Variants in OSBP observed in about 807,000 individuals in gnomAD.
The protein encoded by OSBP is oxysterol binding protein.
OSBP carries 32 observed loss-of-function variants against 96.6 expected under a neutral mutation model. That is an observed-to-expected ratio of 0.33 (90% CI 0.25 to 0.45). The LOEUF (loss-of-function observed/expected upper bound fraction) is 0.45. Among genes scored for constraint, OSBP ranks in the 20% least tolerant of loss-of-function variants. The probability of loss-of-function intolerance (pLI) is 1.00; values close to 1 mark genes in which losing one functional copy is unlikely to be tolerated. For synonymous variants in OSBP, 369 were observed against 389.6 expected (o/e 0.95, Z 0.62); for missense variants, 653 against 1,029.7 (o/e 0.63, Z 5.01).
intron 10 of OSBP, among the ~76,000 whole-genome samples, chr11:59,580,902 C>T (rs1860412894): frequency 6.6e-6 from 1 of 152,218 alleles, no homozygotes; most frequent in Non-Finnish European, 1.5e-5. Context: ...TGAGGCCTTT[C>T]CTGACTGCTC....
At chr11:59,583,291 G>A (rs1037293501) in intron 9 of OSBP, among the ~76,000 whole-genome samples, 4 of 152,234 alleles carry the variant, frequency 2.6e-5, no homozygotes, top group East Asian at 1.9e-4. Context: ...CAGCCTGGAC[G>A]ACAGAGCAAG....
intron 7 of OSBP, among the ~76,000 whole-genome samples, chr11:59,600,129 T>C (rs1303443203): frequency 6.6e-6 from 1 of 152,184 alleles, no homozygotes; most frequent in Non-Finnish European, 1.5e-5. Context: ...GTACTTTCCA[T>C]AATACTATCA....
rs1025080222 is a variant in OSBP, at chr11:59,579,782, C to T, written c.1878+392G>A. ...TTGCCCAGGCTGGGGTGCAATGGTG[C>T]GAGACTCACTGCAGCCTCTGCCTCC... On this transcript the variant is annotated intron_variant, in intron 11 of 13. Transcript: ENST00000263847. Among the ~76,000 whole-genome samples, 9 of 151,650 alleles carry T rather than the reference C, an allele frequency of 5.9e-5. No homozygotes were observed. In the East Asian group the frequency reaches 1.4e-3, roughly 23 times the overall value.
intron 2 of OSBP, among the ~76,000 whole-genome samples, chr11:59,610,071 G>A (rs1024465219): frequency 5.9e-5 from 9 of 152,058 alleles, no homozygotes; most frequent in Non-Finnish European, 7.4e-5. Context: ...TTGTTTTGGC[G>A]GCTGTTTGGT....
chr11:59,603,332 CCT>C, intron 3 of OSBP, among the ~76,000 whole-genome samples: 1 of 152,166 alleles, frequency 6.6e-6, no homozygotes, highest in South Asian at 2.1e-4. Flanking sequence ...AAATCTATTC[CCT>C]GTTACAGAGA....
intron 10 of OSBP, among the ~76,000 whole-genome samples, chr11:59,580,653 C>T (rs1050540988): frequency 6.6e-6 from 1 of 152,078 alleles, no homozygotes; most frequent in African/African-American, 2.4e-5. Flanking sequence ...CCTTTCTATA[C>T]TTGATTCATT....
chr11:59,583,634 GTTTTTTTTT>G (rs764596509), intron 9 of OSBP, among the ~76,000 whole-genome samples: 1 of 64,318 alleles, frequency 1.6e-5, no homozygotes, highest in African/African-American at 6.5e-5. Flanking sequence ...CTAAATCTCT[GTTTTTTTTT>G]TTTTTTTTTT....
chr11:59,593,497 C>G, intron 9 of OSBP, 107 bp downstream of exon 9: 1 of 1,277,498 alleles, frequency 7.8e-7, no homozygotes, highest in South Asian at 1.3e-5. Context: ...GGTCAGTGCT[C>G]GAATCAGACC....
chr11:59,605,529 C>G (rs570401236), intron 3 of OSBP, among the ~76,000 whole-genome samples: 1 of 152,000 alleles, frequency 6.6e-6, no homozygotes, highest in Non-Finnish European at 1.5e-5. Flanking sequence ...TCTCATGCCT[C>G]AGTCACCATG....
intron 7 of OSBP, among the ~76,000 whole-genome samples, chr11:59,597,287 C>T (rs12276416): frequency 0.016 from 2,379 of 152,100 alleles, 61 homozygotes; most frequent in African/African-American, 0.055. Context: ...TCAAGTGATC[C>T]GCCTGCCTCA....
intron 9 of OSBP, 36 bp downstream of exon 9, chr11:59,593,568 C>T (rs747929324): frequency 2.5e-6 from 4 of 1,612,058 alleles, no homozygotes; most frequent in African/African-American, 2.7e-5. Context: ...CCTTTCATTC[C>T]AGGAGCATTA....
intron 9 of OSBP, among the ~76,000 whole-genome samples, chr11:59,591,813 G>A (rs1307835463): frequency 6.6e-6 from 1 of 151,916 alleles, no homozygotes; most frequent in Non-Finnish European, 1.5e-5. Flanking sequence ...TAGAGACGGG[G>A]TTTCACCATG....
In OSBP at chr11:59,574,590, A is replaced by T. The variant is rs1045427933; in HGVS notation, c.*1987T>A. ...AGAAATGTAGTGCAGATGGTGAAGGAAGAGAAGGGGATAAAGCAGAGAAGT... is the reference window on the plus strand; with the variant it reads ...AGAAATGTAGTGCAGATGGTGAAGGTAGAGAAGGGGATAAAGCAGAGAAGT... On this transcript the variant is annotated 3_prime_UTR_variant, in exon 14 of 14. Transcript: ENST00000263847. 3 of 152,606 alleles carry T rather than the reference A, an allele frequency of 2.0e-5. No homozygotes were observed. Among genetic ancestry groups the T allele is most frequent in the Non-Finnish European group, 4.4e-5 (3 of 68,022 alleles). The allele number at this position is 152,606 out of a possible 1,614,324, so 9.5% of individuals were successfully genotyped here.
intron 9 of OSBP, among the ~76,000 whole-genome samples, chr11:59,585,579 T>C (rs1860490035): frequency 4.7e-5 from 7 of 149,788 alleles, no homozygotes; most frequent in African/African-American, 1.5e-4. Context: ...AGCCGCCCCG[T>C]CCGGGAGGTG....
At chr11:59,615,255 C>T (rs1323727506) in intron 1 of OSBP, 48 bp downstream of exon 1, 2 of 1,480,128 alleles carry the variant, frequency 1.4e-6, no homozygotes, top group East Asian at 4.9e-5. Flanking sequence ...GGACTGTTGG[C>T]AGATATGGGG....
rs143043296 is a variant in OSBP at position 59,598,715 on chromosome 11, G to A, written c.1311+1781C>T. On this transcript the variant is annotated intron_variant, in intron 7 of 13. Coordinates refer to ENST00000263847, the MANE Select transcript of OSBP (RefSeq NM_002556.3). ...AGCAATTCTCCTGCATCACCCTCCC[G>A]AGTATCTGGGACTAGAGGTGTGCAC... Among the ~76,000 whole-genome samples the A allele has an allele frequency of 3.3e-3, 509 of 152,140 alleles. 5 individuals are homozygous for A. The highest frequency in any genetic ancestry group is 0.011 in the African/African-American group (454 of 41,508).
At chr11:59,606,147 T>C (rs1463960957) in intron 3 of OSBP, among the ~76,000 whole-genome samples, 1 of 152,178 alleles carries the variant, frequency 6.6e-6, no homozygotes, top group Non-Finnish European at 1.5e-5. Flanking sequence ...TAATTCTCCA[T>C]CCCTCACTAA....
intron 9 of OSBP, among the ~76,000 whole-genome samples, chr11:59,585,553 AG>A (rs1225189877): frequency 6.7e-6 from 1 of 149,968 alleles, no homozygotes; most frequent in African/African-American, 2.5e-5. Flanking sequence ...TGGGGGGGTC[AG>A]CCCCCCGCCC....
chr11:59,609,588 A>C (rs958083335), intron 2 of OSBP, among the ~76,000 whole-genome samples: 2 of 152,212 alleles, frequency 1.3e-5, no homozygotes, highest in South Asian at 4.1e-4. Context: ...AAACCAGTGA[A>C]TTCTCCTTTC....
Sources: gnomAD v4.1 joint callset for allele counts (sites outside exome capture counted in the v4.1 genomes callset) on GRCh38, gnomAD v4.1.1 for gene constraint, MANE v1.5 for transcripts, NCBI Gene and HGNC (gene_info 2026-07-23, HGNC 2026-07-21) for gene names.